SH3GL2: variants seen among roughly 807,000 people sequenced by gnomAD.
The protein encoded by SH3GL2 is SH3 domain containing GRB2 like 2, endophilin A1, also known as endophilin-A1.
A neutral mutation model predicts 46.0 loss-of-function variants in SH3GL2; 24 were observed. The observed-to-expected ratio is 0.52, with a 90% confidence interval of 0.38 to 0.73. The LOEUF (loss-of-function observed/expected upper bound fraction) is 0.73, where lower values mean the gene tolerates loss of function less well. Among genes scored for constraint, SH3GL2 ranks in the 30% least tolerant of loss-of-function variants. SH3GL2 has a pLI of 0.00. For missense variants in SH3GL2, 413 were observed against 424.2 expected (o/e 0.97, Z 0.23); for synonymous variants, 196 against 147.1 (o/e 1.33, Z -2.40).
chr9:17,679,536 G>A (rs1468940558), intron 1 of SH3GL2, among the ~76,000 whole-genome samples: 15 of 152,090 alleles, frequency 9.9e-5, no homozygotes, highest in African/African-American at 2.2e-4. Flanking sequence ...GGGCTGAGGC[G>A]ATGGGGTTTT....
chr9:17,781,471 A>G (rs532512932), intron 3 of SH3GL2, among the ~76,000 whole-genome samples: 1 of 150,748 alleles, frequency 6.6e-6, no homozygotes, highest in Non-Finnish European at 1.5e-5. Context: ...GCTGTGCAGA[A>G]GCTCTTGAGT....
rs1178704291 is a variant in SH3GL2 at position 17,701,564 on chromosome 9, C to G, written c.46-45502C>G. On this transcript the variant is annotated intron_variant, in intron 1 of 8. Transcript: ENST00000380607. ...ATGATATGATTGTATACCTAGAAAA[C>G]TTTATGGGAGCAATTGAAACAACAT... Among the ~76,000 whole-genome samples the G allele has an allele frequency of 2.6e-5, 4 of 152,050 alleles. No individual in the cohort carries two copies. In the East Asian group the frequency reaches 7.7e-4, roughly 29 times the overall value.
intron 1 of SH3GL2, among the ~76,000 whole-genome samples, chr9:17,629,386 A>G (rs1819367829): frequency 1.3e-5 from 2 of 152,200 alleles, no homozygotes; most frequent in Admixed American, 1.3e-4. Flanking sequence ...AGTCTTTTTT[A>G]TAATGAAGTC....
chr9:17,780,336 T>C (rs1823766447), intron 3 of SH3GL2, among the ~76,000 whole-genome samples: 1 of 152,178 alleles, frequency 6.6e-6, no homozygotes, highest in Admixed American at 6.5e-5. Context: ...TTCATCTTTC[T>C]ATTTGTCCTA....
At chr9:17,646,728 C>G (rs1819827627) in intron 1 of SH3GL2, among the ~76,000 whole-genome samples, 1 of 152,186 alleles carries the variant, frequency 6.6e-6, no homozygotes, top group Non-Finnish European at 1.5e-5. Context: ...AGATTGATGC[C>G]TGCTCCTACC....
chr9:17,785,429 G>T (rs990605060), intron 3 of SH3GL2, among the ~76,000 whole-genome samples: 2 of 152,136 alleles, frequency 1.3e-5, no homozygotes, highest in Non-Finnish European at 2.9e-5. Context: ...ATGCCTCTAA[G>T]ACTCAAAGTT....
At chr9:17,624,715 CAA>C (rs1334742224) in intron 1 of SH3GL2, among the ~76,000 whole-genome samples, 2 of 152,190 alleles carry the variant, frequency 1.3e-5, no homozygotes, top group East Asian at 3.9e-4. Flanking sequence ...TCTGGCATAA[CAA>C]TGTGATCAGG....
At chr9:17,635,237 A>G (rs1819515906) in intron 1 of SH3GL2, among the ~76,000 whole-genome samples, 2 of 152,070 alleles carry the variant, frequency 1.3e-5, no homozygotes, top group African/African-American at 4.8e-5. Flanking sequence ...AACATATAGT[A>G]TATGGTTTTC....
chr9:17,601,525 T>C (rs1818672539), intron 1 of SH3GL2, among the ~76,000 whole-genome samples: 1 of 152,208 alleles, frequency 6.6e-6, no homozygotes, highest in African/African-American at 2.4e-5. Context: ...AGTAACTATG[T>C]GCATAATTTC....
At chr9:17,623,651 C>T (rs1819209562) in intron 1 of SH3GL2, among the ~76,000 whole-genome samples, 1 of 151,554 alleles carries the variant, frequency 6.6e-6, no homozygotes, top group Admixed American at 6.6e-5. Flanking sequence ...GAATACCTGT[C>T]CATTTATTTA....
intron 1 of SH3GL2, among the ~76,000 whole-genome samples, chr9:17,614,354 A>C (rs1818939651): frequency 6.7e-6 from 1 of 148,790 alleles, no homozygotes; most frequent in Non-Finnish European, 1.5e-5. Context: ...GGAAATTAGC[A>C]TAGCTAGGCT....
chr9:17,586,340 G>C (rs1452262229), intron 1 of SH3GL2, among the ~76,000 whole-genome samples: 2 of 152,226 alleles, frequency 1.3e-5, no homozygotes, highest in South Asian at 4.2e-4. Context: ...GGACACTGAA[G>C]GACCTCTAGG....
chr9:17,614,913 AC>A (rs1326935092), intron 1 of SH3GL2, among the ~76,000 whole-genome samples: 5 of 152,206 alleles, frequency 3.3e-5, no homozygotes, highest in African/African-American at 4.8e-5. Context: ...GTTTCCCCAC[AC>A]CCAAAAGGCT....
chr9:17,739,624 A>AT (rs113415143), intron 1 of SH3GL2, among the ~76,000 whole-genome samples: 144,216 of 152,012 alleles, frequency 0.95, 68,506 homozygotes, highest in East Asian at 0.99. Flanking sequence ...AATGCCAGTT[A>AT]ATTTTATTCA....
chr9:17,589,238 T>C (rs1309059612), intron 1 of SH3GL2: 1 of 152,222 alleles, frequency 6.6e-6, no homozygotes, highest in Admixed American at 6.5e-5. Context: ...CGATCACAGC[T>C]CACTACAGCC....
intron 4 of SH3GL2, among the ~76,000 whole-genome samples, chr9:17,786,873 C>G (rs1823973997): frequency 6.6e-6 from 1 of 152,150 alleles, no homozygotes; most frequent in Non-Finnish European, 1.5e-5. Flanking sequence ...AAAGCCCTCC[C>G]TGCCTCATGG....
Position 17,638,169 on chromosome 9 carries a change from A to G in SH3GL2, c.45+58882A>G, listed in dbSNP as rs75540247. On this transcript the variant is annotated intron_variant, in intron 1 of 8. Transcript: ENST00000380607. ...GAGACTCCCTCTCAAAAAAAAAACA[A>G]AAAAACAAAAAAACCACTGATTTCA... is the stretch of plus-strand genomic sequence containing the variant. Among the ~76,000 whole-genome samples, 615 of 147,586 alleles carry G rather than the reference A, an allele frequency of 4.2e-3. 2 individuals carry two copies. The highest frequency in any genetic ancestry group is 0.015 in the African/African-American group (592 of 40,634).
At chr9:17,708,600 C>G (rs190845870) in intron 1 of SH3GL2, among the ~76,000 whole-genome samples, 152 of 151,948 alleles carry the variant, frequency 1.0e-3, no homozygotes, top group Admixed American at 2.2e-3. Context: ...GTTCTTTAAC[C>G]ATGAACACCT....
intron 8 of SH3GL2, among the ~76,000 whole-genome samples, chr9:17,795,319 A>G (rs1824244551): frequency 6.6e-6 from 1 of 152,208 alleles, no homozygotes; most frequent in South Asian, 2.1e-4. Context: ...AATATGCAGC[A>G]ACTTCCAAAG....
Sources: allele counts gnomAD v4.1 joint callset (sites outside exome capture counted in the v4.1 genomes callset), GRCh38; gene constraint gnomAD v4.1.1; transcripts MANE v1.5; gene names NCBI Gene and HGNC (gene_info 2026-07-23, HGNC 2026-07-21).